The following TENM4 variants were observed in gnomAD, a reference collection of about 807,000 sequenced individuals.
TENM4 encodes the protein teneurin-4.
TENM4 carries 82 observed loss-of-function variants against 243.3 expected under a neutral mutation model. The observed-to-expected ratio is 0.34, with a 90% CI of 0.28 to 0.40. The LOEUF is 0.40. Ranked by LOEUF, TENM4 falls within the 10% of genes least tolerant of loss-of-function variation. TENM4 has a pLI of 1.00. For synonymous variants in TENM4, 1,412 were observed against 1,456.3 expected, an observed-to-expected ratio of 0.97 and a Z score of 0.69; for missense variants, 3,138 against 3,673.3, an observed-to-expected ratio of 0.85 and a Z score of 3.77.
chr11:79,403,387 C>G (rs1265277562), intron 1 of TENM4, among the ~76,000 whole-genome samples: 1 of 152,136 alleles, frequency 6.6e-6, no homozygotes, highest in Admixed American at 6.5e-5. Context: ...ACATTTTTAT[C>G]TCACTTTTTC....
At chr11:79,354,025 G>A (rs939819009) in intron 1 of TENM4, among the ~76,000 whole-genome samples, 3 of 152,214 alleles carry the variant, frequency 2.0e-5, no homozygotes, top group Non-Finnish European at 4.4e-5. Flanking sequence ...TAGACTCACC[G>A]CTTTTCATCT....
At chr11:78,753,508 A>T (rs1856238047) in intron 19 of TENM4, among the ~76,000 whole-genome samples, 1 of 152,220 alleles carries the variant, frequency 6.6e-6, no homozygotes, top group Non-Finnish European at 1.5e-5. Flanking sequence ...GGTCCAGACC[A>T]AGATCATCGA....
chr11:79,080,992 G>A (rs1043274498), intron 4 of TENM4, among the ~76,000 whole-genome samples: 1 of 152,128 alleles, frequency 6.6e-6, no homozygotes, highest in Admixed American at 6.5e-5. Context: ...TAATTACCTG[G>A]GTGCCCTATT....
At chr11:79,147,242 C>G (rs925589596) in intron 4 of TENM4, among the ~76,000 whole-genome samples, 1 of 152,124 alleles carries the variant, frequency 6.6e-6, no homozygotes, top group Non-Finnish European at 1.5e-5. Flanking sequence ...CCAACACTCA[C>G]CACCAGCCTT....
intron 6 of TENM4, among the ~76,000 whole-genome samples, chr11:78,904,695 A>G (rs1040753063): frequency 3.9e-5 from 6 of 152,204 alleles, no homozygotes; most frequent in African/African-American, 1.4e-4. Context: ...GAGATACTTT[A>G]TTTATTCCCT....
intron 6 of TENM4, among the ~76,000 whole-genome samples, chr11:79,029,994 A>G (rs924929053): frequency 6.6e-6 from 1 of 152,130 alleles, no homozygotes; most frequent in Non-Finnish European, 1.5e-5. Flanking sequence ...TAGGGCCTTG[A>G]AAGGATCTAG....
chr11:78,982,989 G>A (rs780754120), intron 6 of TENM4, among the ~76,000 whole-genome samples: 35 of 152,318 alleles, frequency 2.3e-4, no homozygotes, highest in Non-Finnish European at 4.1e-4. Context: ...AGCTCCCTGT[G>A]ACCTTTCCCG....
intron 6 of TENM4, among the ~76,000 whole-genome samples, chr11:78,973,821 T>C (rs11237668): frequency 0.037 from 5,563 of 151,638 alleles, 305 homozygotes; most frequent in African/African-American, 0.11. Flanking sequence ...GTTGATGGCA[T>C]GGGCGTGTTA....
chr11:79,304,668 C>T (rs980922039), intron 1 of TENM4, among the ~76,000 whole-genome samples: 2 of 152,262 alleles, frequency 1.3e-5, no homozygotes, highest in South Asian at 2.1e-4. Context: ...AGCCACAGGA[C>T]CTCAGCCTCA....
intron 19 of TENM4, among the ~76,000 whole-genome samples, chr11:78,746,464 G>T (rs1856053590): frequency 6.6e-6 from 1 of 152,264 alleles, no homozygotes; most frequent in Admixed American, 6.5e-5. Context: ...ATCTGTCAAG[G>T]CTGTGGGCAG....
At chr11:78,892,775 T>C (rs1382440517) in intron 7 of TENM4, among the ~76,000 whole-genome samples, 1 of 152,258 alleles carries the variant, frequency 6.6e-6, no homozygotes, top group Non-Finnish European at 1.5e-5. Flanking sequence ...CTCTATTTTG[T>C]AGATTGGCAA....
chr11:79,042,299 C>T (rs554247734), intron 6 of TENM4, among the ~76,000 whole-genome samples: 9 of 152,300 alleles, frequency 5.9e-5, no homozygotes, highest in African/African-American at 2.2e-4. Flanking sequence ...TTCCTTGCTG[C>T]ATCCACACAG....
Position 78,670,367 on chromosome 11 carries a change from G to A in TENM4, c.5978C>T (p.Thr1993Ile). 6.2e-7 allele frequency: 1 copy of A among 1,613,952 alleles called. No individual in the cohort carries two copies. The highest frequency in any genetic ancestry group is 1.1e-5 in the South Asian group (1 of 91,052). Residue 1993 changes from threonine to isoleucine, a missense_variant, in exon 32 of 34, where the codon ACT (threonine) becomes ATT (isoleucine). This residue lies in a region of TENM4 where 2,467 missense variants were observed against 3,059.1 expected (regional missense o/e 0.81). Transcript: ENST00000278550. ...EGNASVIQDF[T>I]EDGHLLHTFY... is the part of the protein sequence containing the mutation. ...GGTGTGAAGGAGGTGCCCATCCTCA[G>A]TGAAGTCCTGTATGACTGAGGCATT...
intron 12 of TENM4, among the ~76,000 whole-genome samples, chr11:78,853,431 G>A (rs567319945): frequency 3.4e-4 from 52 of 152,314 alleles, no homozygotes; most frequent in African/African-American, 1.2e-3. Flanking sequence ...GACACCTACA[G>A]GCTTCTGAGC....
At chr11:79,095,991 C>G (rs1020058968) in intron 4 of TENM4, 1 of 152,224 alleles carries the variant, frequency 6.6e-6, no homozygotes, top group African/African-American at 2.4e-5. Flanking sequence ...CGATTGCTAT[C>G]TCTTTGTTCC....
chr11:79,001,268 C>T (rs1022612874), intron 6 of TENM4, among the ~76,000 whole-genome samples: 1 of 152,080 alleles, frequency 6.6e-6, no homozygotes, highest in African/African-American at 2.4e-5. Context: ...AAGACTGATA[C>T]ATTCTAAGTG....
intron 1 of TENM4, among the ~76,000 whole-genome samples, chr11:79,366,845 G>C (rs1857686755): frequency 6.6e-6 from 1 of 152,136 alleles, no homozygotes; most frequent in African/African-American, 2.4e-5. Flanking sequence ...ATGAATGAAT[G>C]AGTGATACAA....
In TENM4 at chr11:78,904,582, C is replaced by T. The variant is rs140447536; in HGVS notation, c.494-1059G>A. Among the ~76,000 whole-genome samples the T allele has an allele frequency of 2.7e-3, 409 of 152,204 alleles. 2 individuals carry two copies. The highest frequency in any genetic ancestry group is 9.4e-3 in the African/African-American group (392 of 41,516). On this transcript the variant is annotated intron_variant, in intron 6 of 33. Coordinates refer to ENST00000278550, the MANE Select transcript of TENM4 (RefSeq NM_001098816.3). ...CATTTACTGAGCACATCGAATGTGC[C>T]AGAGTCCCGTTCTGAGCCTTCTACA...
At position 79,070,038 on chromosome 11, in the gene TENM4, G is replaced by A. The variant is rs751957907; in HGVS notation, c.-65-29C>T. The stretch of plus-strand genomic sequence containing the variant: ...GAGCCAGGGAAACCAAAGATAGGGC[G>A]TGAGAGGCAGAGAACATTCCCGGGT... On this transcript the variant is annotated intron_variant, in intron 4 of 33. Transcript: ENST00000278550. 5.4e-6 allele frequency: 8 copies of A among 1,475,258 alleles called. No homozygotes were observed. The African/African-American group carries it at 7.0e-5, about 13-fold the overall frequency. 91.4% of individuals were successfully genotyped at this position (1,475,258 alleles called of 1,614,324 possible).
Sources: allele counts gnomAD v4.1 joint callset (sites outside exome capture counted in the v4.1 genomes callset), GRCh38; gene constraint gnomAD v4.1.1; regional missense constraint gnomAD v4.1.1; transcripts MANE v1.5; gene names NCBI Gene and HGNC (gene_info 2026-07-23, HGNC 2026-07-21).